The following ROBO2 variants were observed in gnomAD, a reference collection of about 807,000 sequenced individuals.
The protein encoded by ROBO2 is roundabout guidance receptor 2, also known as roundabout homolog 2.
A neutral mutation model predicts 160.8 loss-of-function variants in ROBO2; 53 were observed. That is an observed-to-expected ratio of 0.33 (90% CI 0.26 to 0.41). The LOEUF (loss-of-function observed/expected upper bound fraction) is 0.41, where lower values mean the gene tolerates loss of function less well. Ranked by LOEUF, ROBO2 falls within the 10% of genes least tolerant of loss-of-function variation. The probability of loss-of-function intolerance (pLI) is 1.00; values close to 1 mark genes in which losing one functional copy is unlikely to be tolerated. For missense variants in ROBO2, 1,577 were observed against 1,722.4 expected (o/e 0.92, Z 1.49); for synonymous variants, 664 against 611.7 (o/e 1.09, Z -1.26).
chr3:76,989,491 C>T (rs1226877426), intron 2 of ROBO2, among the ~76,000 whole-genome samples: 1 of 151,748 alleles, frequency 6.6e-6, no homozygotes, highest in African/African-American at 2.4e-5. Context: ...TTTTAAACTT[C>T]TAAGTTTAAA....
intron 2 of ROBO2, among the ~76,000 whole-genome samples, chr3:76,629,935 G>A (rs780967033): frequency 6.6e-6 from 1 of 152,088 alleles, no homozygotes; most frequent in Non-Finnish European, 1.5e-5. Flanking sequence ...ATGATGACAT[G>A]CTTGCTGTGC....
intron 2 of ROBO2, among the ~76,000 whole-genome samples, chr3:76,718,528 C>A (rs1263867924): frequency 6.6e-6 from 1 of 152,224 alleles, no homozygotes; most frequent in East Asian, 1.9e-4. Flanking sequence ...CATCTTGGAA[C>A]AATTTACTGA....
intron 2 of ROBO2, among the ~76,000 whole-genome samples, chr3:76,361,520 T>C (rs1373576681): frequency 6.6e-6 from 1 of 152,094 alleles, no homozygotes; most frequent in East Asian, 1.9e-4. Context: ...GCAGAATGTA[T>C]TTTTTGAGAG....
chr3:76,832,620 T>TC (rs1219048564), intron 2 of ROBO2, among the ~76,000 whole-genome samples: 1 of 152,066 alleles, frequency 6.6e-6, no homozygotes, highest in Non-Finnish European at 1.5e-5. Context: ...TGAAGGGTGG[T>TC]ATAATTTAGA....
chr3:77,597,836 G>C (rs988715291), intron 19 of ROBO2, among the ~76,000 whole-genome samples: 1 of 152,138 alleles, frequency 6.6e-6, no homozygotes, highest in Non-Finnish European at 1.5e-5. Context: ...CGAGGAAGCA[G>C]AAATGGTAAG....
intron 2 of ROBO2, among the ~76,000 whole-genome samples, chr3:76,479,617 T>C (rs1206471651): frequency 1.3e-5 from 2 of 152,156 alleles, no homozygotes; most frequent in African/African-American, 4.8e-5. Context: ...TAGAGTAGTG[T>C]GCAGTCAGCA....
intron 2 of ROBO2, among the ~76,000 whole-genome samples, chr3:76,934,464 T>C (rs1324599830): frequency 2.0e-5 from 3 of 151,550 alleles, no homozygotes; most frequent in Non-Finnish European, 4.4e-5. Context: ...AAACTTTGGC[T>C]GGGCATGGTG....
At chr3:76,612,020 G>T (rs1215809125) in intron 2 of ROBO2, among the ~76,000 whole-genome samples, 2 of 152,072 alleles carry the variant, frequency 1.3e-5, no homozygotes, top group Non-Finnish European at 2.9e-5. Flanking sequence ...TTGACCCATT[G>T]GTCATTCAGA....
chr3:77,512,049 A>G (rs999468132), intron 5 of ROBO2, among the ~76,000 whole-genome samples: 1 of 151,954 alleles, frequency 6.6e-6, no homozygotes, highest in African/African-American at 2.4e-5. Context: ...ATTATAGATA[A>G]AAAGAAAAGT....
At chr3:76,392,430 C>G (rs1046208888) in intron 2 of ROBO2, among the ~76,000 whole-genome samples, 1 of 152,114 alleles carries the variant, frequency 6.6e-6, no homozygotes, top group Non-Finnish European at 1.5e-5. Flanking sequence ...CTATCATAGA[C>G]ATTAATAACG....
chr3:76,689,446 A>G (rs904191430), intron 2 of ROBO2, among the ~76,000 whole-genome samples: 1 of 152,072 alleles, frequency 6.6e-6, no homozygotes, highest in Non-Finnish European at 1.5e-5. Context: ...ATATTTTTCC[A>G]TCATCTCAAC....
intron 21 of ROBO2, among the ~76,000 whole-genome samples, chr3:77,615,940 A>G (rs1202979676): frequency 2.0e-5 from 3 of 152,186 alleles, no homozygotes; most frequent in Non-Finnish European, 2.9e-5. Context: ...CATTTCTGAT[A>G]TTTACTCATA....
intron 2 of ROBO2, among the ~76,000 whole-genome samples, chr3:76,073,307 T>G (rs1421640623): frequency 2.2e-5 from 2 of 90,046 alleles, no homozygotes; most frequent in Admixed American, 1.5e-4. Flanking sequence ...TTTTTTTTTT[T>G]TTTTGAGACG....
At chr3:76,668,492 A>T (rs2092140468) in intron 2 of ROBO2, among the ~76,000 whole-genome samples, 1 of 152,260 alleles carries the variant, frequency 6.6e-6, no homozygotes. Context: ...GATCTGGATA[A>T]TTTATGTCCT....
intron 2 of ROBO2, among the ~76,000 whole-genome samples, chr3:76,626,837 C>A (rs182309580): frequency 6.6e-6 from 1 of 152,008 alleles, no homozygotes; most frequent in South Asian, 2.1e-4. Context: ...GGACTACAGG[C>A]GCCACCACCA....
At chr3:77,477,040 T>C (rs1233050044) in intron 2 of ROBO2, among the ~76,000 whole-genome samples, 2 of 151,682 alleles carry the variant, frequency 1.3e-5, no homozygotes, top group African/African-American at 2.4e-5. Flanking sequence ...TGCATATATA[T>C]ATGCGTGCAC....
At chr3:76,545,237 T>A (rs936311647) in intron 2 of ROBO2, among the ~76,000 whole-genome samples, 1 of 151,940 alleles carries the variant, frequency 6.6e-6, no homozygotes, top group Non-Finnish European at 1.5e-5. Flanking sequence ...CAGTTTACAT[T>A]CCGAAATGCA....
chr3:76,879,612 G>C (rs909869021), intron 2 of ROBO2, among the ~76,000 whole-genome samples: 1 of 151,978 alleles, frequency 6.6e-6, no homozygotes, highest in African/African-American at 2.4e-5. Flanking sequence ...GAAGATCAAA[G>C]CAAACAAACA....
At chr3:77,457,793 T>G (rs2081831661) in intron 2 of ROBO2, among the ~76,000 whole-genome samples, 1 of 151,978 alleles carries the variant, frequency 6.6e-6, no homozygotes, top group African/African-American at 2.4e-5. Flanking sequence ...ATTATTTTGT[T>G]CGGTCAAAAT....
Sources: allele counts gnomAD v4.1 joint callset (sites outside exome capture counted in the v4.1 genomes callset), GRCh38; gene constraint gnomAD v4.1.1; transcripts MANE v1.5; gene names NCBI Gene and HGNC (gene_info 2026-07-23, HGNC 2026-07-21).